Variants in TYW1B observed in about 807,000 individuals in gnomAD.
The protein encoded by TYW1B is S-adenosyl-L-methionine-dependent tRNA 4-demethylwyosine synthase TYW1B.
TYW1B carries 73 observed loss-of-function variants against 86.9 expected under a neutral mutation model. The ratio of observed to expected loss-of-function variants is 0.84; its 90% CI spans 0.70 to 1.02. The LOEUF is 1.02. Among genes scored for constraint, TYW1B ranks in the 50% least tolerant of loss-of-function variants. The pLI is 0.00. For missense variants in TYW1B, 637 were observed against 827.4 expected (o/e 0.77, Z 2.82); for synonymous variants, 248 against 292.8 (o/e 0.85, Z 1.56).
intron 11 of TYW1B, among the ~76,000 whole-genome samples, chr7:72,672,874 A>C (rs1248061385): frequency 6.6e-6 from 1 of 152,266 alleles, no homozygotes; most frequent in African/African-American, 2.4e-5. Context: ...AGATTTCAAA[A>C]GATCCATAAA....
chr7:72,607,904 T>C (rs1239655829), intron 13 of TYW1B, among the ~76,000 whole-genome samples: 1 of 152,152 alleles, frequency 6.6e-6, no homozygotes, highest in African/African-American at 2.4e-5. Context: ...AGGCAACCTG[T>C]AATCAAACTT....
At position 72,658,275 on chromosome 7, in the gene TYW1B, C is replaced by A. The variant is rs186903190; in HGVS notation, c.1507-29278G>T. 1.6e-3 allele frequency among the ~76,000 whole-genome samples: 238 copies of A among 150,816 alleles called. 3 individuals carry two copies. The highest frequency in any genetic ancestry group is 5.6e-3 in the African/African-American group (231 of 41,220). ...CAATAAAAAAAAAAAAAAAGAAAGT[C>A]ATTAAAATGAATGACATATCCATGG... On this transcript the variant is annotated intron_variant, in intron 11 of 13. Coordinates refer to ENST00000620995, the MANE Select transcript of TYW1B (RefSeq NM_001145440.3).
At chr7:72,592,264 T>C (rs1301792642) in intron 13 of TYW1B, among the ~76,000 whole-genome samples, 1 of 149,122 alleles carries the variant, frequency 6.7e-6, no homozygotes, top group African/African-American at 2.5e-5. Flanking sequence ...CTGAAATGAG[T>C]GGGGACAGAG....
At chr7:72,685,176 A>T (rs1418211660) in intron 11 of TYW1B, among the ~76,000 whole-genome samples, 2 of 152,082 alleles carry the variant, frequency 1.3e-5, no homozygotes, top group Non-Finnish European at 2.9e-5. Context: ...ACTCAGGAAG[A>T]AATATAGTGT....
At chr7:72,656,029 G>A (rs1199682223) in intron 11 of TYW1B, among the ~76,000 whole-genome samples, 17 of 152,084 alleles carry the variant, frequency 1.1e-4, no homozygotes, top group Admixed American at 2.0e-4. Context: ...AGACTGGCCC[G>A]ACCAGGACCC....
intron 8 of TYW1B, among the ~76,000 whole-genome samples, chr7:72,740,576 G>T (rs1554462008): frequency 6.6e-6 from 1 of 150,676 alleles, no homozygotes; most frequent in African/African-American, 2.4e-5. Context: ...GACTTCAGAG[G>T]TAATATAAAA....
At chr7:72,671,268 C>T (rs1374351022) in intron 11 of TYW1B, among the ~76,000 whole-genome samples, 6 of 152,060 alleles carry the variant, frequency 3.9e-5, no homozygotes, top group Admixed American at 2.6e-4. Flanking sequence ...ATAAGTAACA[C>T]TCAGAAAAGG....
At position 72,596,325 on chromosome 7, in the gene TYW1B, T is replaced by C. The variant is rs138093350; in HGVS notation, c.1785+20347A>G. On this transcript the variant is annotated intron_variant, in intron 13 of 13. Transcript: ENST00000620995. ...TTCATATGGATTCTCATGGGACCCT[T>C]AATAGCCAAAACAATCTTGAGAAAG... Among the ~76,000 whole-genome samples, 504 of 152,072 alleles carry C rather than the reference T, an allele frequency of 3.3e-3. 6 individuals are homozygous for C. The highest frequency in any genetic ancestry group is 0.011 in the African/African-American group (466 of 41,498).
chr7:72,614,886 C>T (rs1175064031), intron 13 of TYW1B, among the ~76,000 whole-genome samples: 4 of 152,164 alleles, frequency 2.6e-5, no homozygotes, highest in African/African-American at 4.8e-5. Context: ...TAGCAATATA[C>T]CCATTTTCCA....
At chr7:72,612,505 ATTG>A (rs1260212463) in intron 13 of TYW1B, among the ~76,000 whole-genome samples, 2 of 152,166 alleles carry the variant, frequency 1.3e-5, no homozygotes, top group African/African-American at 4.8e-5. Flanking sequence ...GAGATACTGC[ATTG>A]TCTTAAGGTA....
chr7:72,811,169 G>A (rs191997268), intron 3 of TYW1B, among the ~76,000 whole-genome samples: 2 of 151,328 alleles, frequency 1.3e-5, no homozygotes, highest in East Asian at 3.9e-4. Context: ...TACTCAGGAG[G>A]CTAAGCCAAG....
rs551999542 is a variant in TYW1B at position 72,600,883 on chromosome 7, G to A, written c.1785+15789C>T. ...TCTCTTAAAAAAAAAAGGGCCGGGC[G>A]TGGTGGCTCACAACTGTAATCCCAG... On this transcript the variant is annotated intron_variant, in intron 13 of 13. Coordinates refer to ENST00000620995, the MANE Select transcript of TYW1B (RefSeq NM_001145440.3). Among the ~76,000 whole-genome samples the A allele has an allele frequency of 6.4e-4, 98 of 152,086 alleles. 1 individual carries two copies. The Middle Eastern group carries it at 0.031, about 48-fold the overall frequency.
At position 72,667,870 on chromosome 7, in the gene TYW1B, T is replaced by A. The variant is rs184857536; in HGVS notation, c.1506+26817A>T. Among the ~76,000 whole-genome samples, 250 of 152,318 alleles carry A rather than the reference T, an allele frequency of 1.6e-3. 1 individual carries two copies. The highest frequency in any genetic ancestry group is 4.0e-3 in the Admixed American group (61 of 15,296). On this transcript the variant is annotated intron_variant, in intron 11 of 13. Transcript: ENST00000620995. ...TCAAAAGTCAAAGGGTAGAGAAAAT[T>A]CTATTCCCTTGTGGCTAGCCAGATC...
chr7:72,604,279 A>G (rs1245869369), intron 13 of TYW1B, among the ~76,000 whole-genome samples: 3 of 152,126 alleles, frequency 2.0e-5, no homozygotes, highest in Non-Finnish European at 4.4e-5. Flanking sequence ...ACTAGCCAAC[A>G]TGGTGAAACC....
chr7:72,583,039 C>T (rs1554429829), intron 13 of TYW1B, among the ~76,000 whole-genome samples: 3 of 152,050 alleles, frequency 2.0e-5, no homozygotes, highest in Admixed American at 1.3e-4. Context: ...GAAGCAAGCT[C>T]GAGCCTCATC....
chr7:72,727,933 T>C (rs1787032590), intron 9 of TYW1B, among the ~76,000 whole-genome samples: 1 of 151,900 alleles, frequency 6.6e-6, no homozygotes, highest in South Asian at 2.1e-4. Flanking sequence ...ATGATTCCGA[T>C]GCATGATAAA....
intron 6 of TYW1B, among the ~76,000 whole-genome samples, chr7:72,780,320 C>T (rs1788029829): frequency 6.6e-6 from 1 of 152,106 alleles, no homozygotes; most frequent in Non-Finnish European, 1.5e-5. Flanking sequence ...CAAATCTCAA[C>T]CTTGAAAGCA....
At chr7:72,711,473 C>CTTTTTTTTTTTTTTTTTTTTT (rs59438928) in intron 10 of TYW1B, among the ~76,000 whole-genome samples, 1 of 56,948 alleles carries the variant, frequency 1.8e-5, no homozygotes, top group African/African-American at 7.3e-5. Flanking sequence ...CTCTTTAATT[C>CTTTTTTTTTTTTTTTTTTTTT]TTTTTTTTTT....
At chr7:72,621,909 G>A (rs1285284320) in intron 12 of TYW1B, among the ~76,000 whole-genome samples, 4 of 152,362 alleles carry the variant, frequency 2.6e-5, no homozygotes, top group East Asian at 1.9e-4. Flanking sequence ...ACCTTTGTGG[G>A]AGAGAGTGAG....
Sources: allele counts gnomAD v4.1 joint callset (sites outside exome capture counted in the v4.1 genomes callset), GRCh38; gene constraint gnomAD v4.1.1; transcripts MANE v1.5; gene names NCBI Gene and HGNC (gene_info 2026-07-23, HGNC 2026-07-21).